Variants in PHF21B observed in about 807,000 individuals in gnomAD.
The protein encoded by PHF21B is PHD finger protein 21B.
A neutral mutation model predicts 62.2 loss-of-function variants in PHF21B; 22 were observed. That is an observed-to-expected ratio of 0.35 (90% CI 0.25 to 0.51). The LOEUF is 0.51. PHF21B is among the 20% of genes least tolerant of loss of function. The pLI is 0.97. For synonymous variants in PHF21B, 341 were observed against 314.7 expected (o/e 1.08, Z -0.88); for missense variants, 701 against 707.9 (o/e 0.99, Z 0.11).
intron 2 of PHF21B, among the ~76,000 whole-genome samples, chr22:44,985,603 GA>G (rs907896921): frequency 1.9e-3 from 247 of 130,310 alleles, no homozygotes; most frequent in African/African-American, 5.5e-3. Flanking sequence ...TCTCTCAAAA[GA>G]AAAAAAAAAA....
chr22:44,980,559 A>T (rs11704817), intron 2 of PHF21B, among the ~76,000 whole-genome samples: 10,359 of 152,268 alleles, frequency 0.068, 405 homozygotes, highest in Middle Eastern at 0.14. Context: ...GCTGTGTGTG[A>T]TAAAGATTGG....
intron 2 of PHF21B, among the ~76,000 whole-genome samples, chr22:44,956,819 C>A (rs572390797): frequency 6.6e-6 from 1 of 152,206 alleles, no homozygotes; most frequent in Non-Finnish European, 1.5e-5. Flanking sequence ...CCCCTCCACG[C>A]GGTGGGCTCT....
intron 2 of PHF21B, among the ~76,000 whole-genome samples, chr22:44,927,175 C>T (rs1418769545): frequency 6.6e-6 from 1 of 152,012 alleles, no homozygotes; most frequent in Non-Finnish European, 1.5e-5. Context: ...GAGCTATTTC[C>T]ACTTGATCCT....
chr22:44,946,215 ACTT>A (rs1466074456), intron 2 of PHF21B, among the ~76,000 whole-genome samples: 5 of 152,010 alleles, frequency 3.3e-5, no homozygotes, highest in Admixed American at 2.6e-4. Flanking sequence ...GGCACCACGT[ACTT>A]CTGGGGCTCG....
At chr22:44,884,820 CCATCAT>C (rs764911590) in intron 12 of PHF21B, among the ~76,000 whole-genome samples, 75 of 151,996 alleles carry the variant, frequency 4.9e-4, no homozygotes, top group African/African-American at 1.7e-3. Context: ...ATCACCATCA[CCATCAT>C]CACCACCACC....
chr22:44,976,461 C>T (rs988285988), intron 2 of PHF21B, among the ~76,000 whole-genome samples: 16 of 152,196 alleles, frequency 1.1e-4, no homozygotes, highest in Admixed American at 1.0e-3. Context: ...CCAATCTTTC[C>T]CTATCCAAAC....
intron 4 of PHF21B, 139 bp from the exon 5 acceptor site, chr22:44,914,227 C>T: frequency 3.5e-6 from 2 of 566,906 alleles, no homozygotes; most frequent in Non-Finnish European, 6.3e-6. Context: ...TCCCCGGGAA[C>T]TGGGTGGTTT....
chr22:44,979,112 GC>G (rs1569269656), intron 2 of PHF21B, among the ~76,000 whole-genome samples: 1 of 152,246 alleles, frequency 6.6e-6, no homozygotes, highest in Non-Finnish European at 1.5e-5. Flanking sequence ...TCCAGCTGCA[GC>G]CCCCTAAGGG....
chr22:44,917,675 C>T (rs9614979), intron 3 of PHF21B, among the ~76,000 whole-genome samples: 52,081 of 152,122 alleles, frequency 0.34, 10,283 homozygotes, highest in Non-Finnish European at 0.44. Context: ...ATGCTACCGT[C>T]GTTATCATTA....
chr22:44,931,329 C>A (rs1044584163), intron 2 of PHF21B, among the ~76,000 whole-genome samples: 1 of 152,102 alleles, frequency 6.6e-6, no homozygotes, highest in Non-Finnish European at 1.5e-5. Flanking sequence ...GCCGCTGTGG[C>A]CCGGCTGCCA....
chr22:44,888,325 G>A (rs983657947), intron 9 of PHF21B, among the ~76,000 whole-genome samples: 1 of 152,192 alleles, frequency 6.6e-6, no homozygotes, highest in Admixed American at 6.5e-5. Flanking sequence ...GGAGGAGGGG[G>A]GGCACCCACA....
intron 5 of PHF21B, chr22:44,901,686 GC>G: frequency 2.1e-6 from 1 of 473,688 alleles, no homozygotes; most frequent in Non-Finnish European, 3.5e-6. Context: ...AAGCTAAAAA[GC>G]CCAAGGGGGA....
At chr22:44,964,291 C>T (rs1386242570) in intron 2 of PHF21B, among the ~76,000 whole-genome samples, 3 of 152,346 alleles carry the variant, frequency 2.0e-5, no homozygotes, top group East Asian at 3.9e-4. Flanking sequence ...CACCCAGAGA[C>T]ACATTCAACA....
chr22:44,969,371 G>A (rs2072593204), intron 2 of PHF21B, among the ~76,000 whole-genome samples: 1 of 152,172 alleles, frequency 6.6e-6, no homozygotes, highest in African/African-American at 2.4e-5. Flanking sequence ...TTCTGCAACT[G>A]AAAAATGGAG....
intron 7 of PHF21B, 76 bp from the exon 8 acceptor site, chr22:44,891,436 G>T: frequency 6.5e-7 from 1 of 1,542,712 alleles, no homozygotes; most frequent in Non-Finnish European, 8.9e-7. Flanking sequence ...CCCCAGGTCA[G>T]GACTCTCTCT....
Position 44,921,640 on chromosome 22 carries a change from T to C in PHF21B, c.121-1150A>G, listed in dbSNP as rs568460388. On this transcript the variant is annotated intron_variant, in intron 2 of 12. Coordinates refer to ENST00000313237, the MANE Select transcript of PHF21B (RefSeq NM_138415.5). ...GCCTCGGCCTCCCAAAGTGCTAGGA[T>C]TACAGGCATGAGCCACGGAACCCAG... is the stretch of plus-strand genomic sequence containing the variant. Among the ~76,000 whole-genome samples the C allele has an allele frequency of 3.9e-5, 6 of 151,924 alleles. No homozygotes were observed. The South Asian group carries it at 8.3e-4, about 21-fold the overall frequency.
intron 5 of PHF21B, among the ~76,000 whole-genome samples, chr22:44,900,708 C>G (rs2071142824): frequency 6.6e-6 from 1 of 151,922 alleles, no homozygotes; most frequent in South Asian, 2.1e-4. Flanking sequence ...AGATGTTACT[C>G]TAGCGTATCC....
intron 2 of PHF21B, among the ~76,000 whole-genome samples, chr22:44,930,812 G>C (rs999636983): frequency 6.6e-6 from 1 of 152,194 alleles, no homozygotes; most frequent in Non-Finnish European, 1.5e-5. Context: ...GCGCAAGGGC[G>C]GCACCCCCCA....
At chr22:44,943,662 G>C (rs1436864990) in intron 2 of PHF21B, among the ~76,000 whole-genome samples, 2 of 152,160 alleles carry the variant, frequency 1.3e-5, no homozygotes, top group Non-Finnish European at 2.9e-5. Context: ...AACAGGTTTA[G>C]ATTTCGACGG....
Sources: allele counts gnomAD v4.1 joint callset (sites outside exome capture counted in the v4.1 genomes callset), GRCh38; gene constraint gnomAD v4.1.1; transcripts MANE v1.5; gene names NCBI Gene and HGNC (gene_info 2026-07-23, HGNC 2026-07-21).